The following DOCK7 variants were observed in gnomAD, a reference collection of about 807,000 sequenced individuals.
The protein encoded by DOCK7 is dedicator of cytokinesis protein 7.
In DOCK7, 138 loss-of-function variants were observed where a neutral mutation model predicts 271.0. The ratio of observed to expected loss-of-function variants is 0.51; its 90% CI spans 0.44 to 0.59. The LOEUF (loss-of-function observed/expected upper bound fraction) is 0.59. Ranked by LOEUF, DOCK7 falls within the 20% of genes least tolerant of loss-of-function variation. The pLI is 0.00. For missense variants in DOCK7, 2,066 were observed against 2,592.4 expected, an observed-to-expected ratio of 0.80 and a Z score of 4.41; for synonymous variants, 823 against 876.1, an observed-to-expected ratio of 0.94 and a Z score of 1.07.
At chr1:62,544,535 T>C (rs1443855978) in intron 23 of DOCK7, among the ~76,000 whole-genome samples, 1 of 152,144 alleles carries the variant, frequency 6.6e-6, no homozygotes, top group East Asian at 1.9e-4. Flanking sequence ...AACAAGATAG[T>C]AAATGTTAAA....
At chr1:62,669,307 T>C (rs1659665383) in intron 1 of DOCK7, among the ~76,000 whole-genome samples, 1 of 152,206 alleles carries the variant, frequency 6.6e-6, no homozygotes, top group Non-Finnish European at 1.5e-5. Flanking sequence ...GATAGTAGCA[T>C]GTAAGTTGAA....
intron 19 of DOCK7, 110 bp from the exon 20 acceptor site, chr1:62,559,330 G>T (rs1646246465): frequency 1.5e-6 from 1 of 666,552 alleles, no homozygotes; most frequent in South Asian, 2.3e-5. Flanking sequence ...ACACTAAAAA[G>T]TTCAAGTAGG....
At chr1:62,662,709 C>T (rs1168090428) in intron 2 of DOCK7, among the ~76,000 whole-genome samples, 2 of 151,918 alleles carry the variant, frequency 1.3e-5, no homozygotes, top group African/African-American at 2.4e-5. Flanking sequence ...TGCAGTGAGC[C>T]GAGAACGCGC....
chr1:62,616,904 T>A (rs1162020940), intron 14 of DOCK7, among the ~76,000 whole-genome samples: 1 of 151,564 alleles, frequency 6.6e-6, no homozygotes, highest in Non-Finnish European at 1.5e-5. Flanking sequence ...ATTTTCAAAG[T>A]TATGATAGAA....
chr1:62,518,183 C>T (rs1263544610), intron 31 of DOCK7, among the ~76,000 whole-genome samples: 1 of 152,148 alleles, frequency 6.6e-6, no homozygotes, highest in Non-Finnish European at 1.5e-5. Context: ...TGCCTGTAAT[C>T]CCAGCACTTT....
chr1:62,648,738 A>G (rs1415222238), intron 4 of DOCK7, among the ~76,000 whole-genome samples, 194 bp from the exon 5 acceptor site: 1 of 152,044 alleles, frequency 6.6e-6, no homozygotes, highest in Non-Finnish European at 1.5e-5. Context: ...GTAGAGTATG[A>G]GTTTCCAAAA....
chr1:62,534,472 G>A (rs909264868), intron 29 of DOCK7, among the ~76,000 whole-genome samples: 7 of 151,986 alleles, frequency 4.6e-5, no homozygotes, highest in African/African-American at 1.2e-4. Flanking sequence ...AAAATTAGCC[G>A]GGAGTGGTGG....
At chr1:62,669,640 T>A (rs1659705847) in intron 1 of DOCK7, among the ~76,000 whole-genome samples, 1 of 152,230 alleles carries the variant, frequency 6.6e-6, no homozygotes, top group Non-Finnish European at 1.5e-5. Context: ...TATCAAATTG[T>A]TTTGAAATCT....
chr1:62,504,794 C>T lies in DOCK7; in HGVS notation c.4612-12G>A, dbSNP rs1234726907. 1 of 1,607,390 alleles carries T rather than the reference C, an allele frequency of 6.2e-7. No homozygotes were observed. Among genetic ancestry groups the T allele is most frequent in the Non-Finnish European group, 8.5e-7 (1 of 1,178,104 alleles). ...AAGAGTTCAGGAAACTGTAAAACAACAAAACAAACCACCACTGAATTTTTA... is the reference window on the plus strand; with the variant it reads ...AAGAGTTCAGGAAACTGTAAAACAATAAAACAAACCACCACTGAATTTTTA... On this transcript the variant is annotated splice_polypyrimidine_tract_variant and intron_variant, in intron 36 of 49. Coordinates refer to ENST00000635253, the MANE Select transcript of DOCK7 (RefSeq NM_001367561.1).
chr1:62,632,993 C>A (rs969156990), intron 10 of DOCK7, among the ~76,000 whole-genome samples: 1 of 151,794 alleles, frequency 6.6e-6, no homozygotes, highest in African/African-American at 2.4e-5. Context: ...AAAAAAAAAT[C>A]TAGAAATTAG....
intron 48 of DOCK7, 92 bp from the exon 49 acceptor site, chr1:62,457,797 G>GTATTT: frequency 9.8e-6 from 12 of 1,223,854 alleles, no homozygotes; most frequent in African/African-American, 1.5e-5. Context: ...ACATATATAT[G>GTATTT]TGGGCTTAAT....
intron 1 of DOCK7, among the ~76,000 whole-genome samples, chr1:62,682,728 G>A (rs1005592125): frequency 1.3e-5 from 2 of 152,162 alleles, no homozygotes; most frequent in South Asian, 4.1e-4. Context: ...TGGGAGAAAT[G>A]TGACAAGGAA....
chr1:62,635,022 C>T, intron 8 of DOCK7, 100 bp from the exon 9 acceptor site: 2 of 608,674 alleles, frequency 3.3e-6, no homozygotes, highest in East Asian at 6.1e-5. Context: ...AGAACTCTTT[C>T]AATGAAACAA....
chr1:62,636,661 G>A (rs17123735), intron 7 of DOCK7, 58 bp from the exon 8 acceptor site: 8 of 1,393,668 alleles, frequency 5.7e-6, no homozygotes, highest in Middle Eastern at 1.8e-4. Flanking sequence ...CACAGTTGGA[G>A]AGAAATTGAT....
intron 33 of DOCK7, among the ~76,000 whole-genome samples, chr1:62,512,208 T>A (rs1242795377): frequency 1.3e-5 from 2 of 152,210 alleles, no homozygotes; most frequent in Non-Finnish European, 2.9e-5. Context: ...CCATTCACAC[T>A]TACATTCATA....
chr1:62,542,779 C>T, intron 24 of DOCK7, 76 bp from the exon 25 acceptor site: 3 of 1,374,926 alleles, frequency 2.2e-6, no homozygotes, highest in Non-Finnish European at 2.0e-6. Flanking sequence ...AATGCAAATA[C>T]AAACGAAGAT....
In DOCK7 at chr1:62,553,344, A is replaced by T. The variant is rs1361845074; in HGVS notation, c.2597-443T>A. On this transcript the variant is annotated intron_variant, in intron 21 of 49. Transcript: ENST00000635253. The stretch of plus-strand genomic sequence containing the variant: ...TATATATATATATATATATATATAT[A>T]TATATATATATTTTTTTTTTTTTTT... Among the ~76,000 whole-genome samples the T allele has an allele frequency of 9.7e-3, 303 of 31,310 alleles. 12 individuals carry two copies. Among genetic ancestry groups the T allele is most frequent in the African/African-American group, 0.047 (285 of 6,062 alleles). 20.5% of individuals were successfully genotyped at this position (31,310 alleles called of 152,430 possible).
At chr1:62,526,390 G>A (rs747749791) in intron 31 of DOCK7, among the ~76,000 whole-genome samples, 3 of 152,164 alleles carry the variant, frequency 2.0e-5, no homozygotes, top group African/African-American at 4.8e-5. Context: ...ATCACTAAAG[G>A]TGTCCTAATC....
chr1:62,564,135 C>A (rs1388494603), intron 18 of DOCK7, among the ~76,000 whole-genome samples: 1 of 151,938 alleles, frequency 6.6e-6, no homozygotes, highest in Non-Finnish European at 1.5e-5. Context: ...GACTTTAACA[C>A]CCCACTGTCA....
Sources: gnomAD v4.1 joint callset for allele counts (sites outside exome capture counted in the v4.1 genomes callset) on GRCh38, gnomAD v4.1.1 for gene constraint, MANE v1.5 for transcripts, NCBI Gene and HGNC (gene_info 2026-07-23, HGNC 2026-07-21) for gene names.